STON2: variants seen among roughly 807,000 people sequenced by gnomAD.
STON2 encodes the protein stonin-2.
A neutral mutation model predicts 65.7 loss-of-function variants in STON2; 29 were observed. The ratio of observed to expected loss-of-function variants is 0.44; its 90% CI spans 0.33 to 0.60. STON2 has a LOEUF of 0.60. Among genes scored for constraint, STON2 ranks in the 20% least tolerant of loss-of-function variants. The pLI is 0.03. For synonymous variants in STON2, 404 were observed against 414.2 expected (o/e 0.98, Z 0.30); for missense variants, 1,054 against 1,118.1 (o/e 0.94, Z 0.82).
At chr14:81,335,053 A>G (rs2140277548) in intron 4 of STON2, among the ~76,000 whole-genome samples, 1 of 150,228 alleles carries the variant, frequency 6.7e-6, no homozygotes, top group African/African-American at 2.5e-5. Context: ...GTGTGTATAG[A>G]CAGGGTTTTG....
chr14:81,314,902 G>A (rs1448674044), intron 5 of STON2, among the ~76,000 whole-genome samples: 3 of 152,116 alleles, frequency 2.0e-5, no homozygotes, highest in Non-Finnish European at 4.4e-5. Context: ...CCAAGGTGGA[G>A]TGAAGTGGCA....
chr14:81,362,860 A>G (rs1344085303), intron 4 of STON2, among the ~76,000 whole-genome samples: 2 of 152,208 alleles, frequency 1.3e-5, no homozygotes, highest in African/African-American at 4.8e-5. Flanking sequence ...CATGCTGGGG[A>G]TATACAATAG....
At chr14:81,429,825 C>T (rs892356733) in intron 1 of STON2, among the ~76,000 whole-genome samples, 1 of 152,034 alleles carries the variant, frequency 6.6e-6, no homozygotes, top group African/African-American at 2.4e-5. Context: ...ATCCCCGCTA[C>T]TCGGCAGGCT....
intron 2 of STON2, among the ~76,000 whole-genome samples, chr14:81,424,499 TAAA>T (rs11357855): frequency 1.8e-4 from 26 of 148,550 alleles, no homozygotes; most frequent in Admixed American, 4.7e-4. Flanking sequence ...ACACTCTCAC[TAAA>T]AAAAAAAAAA....
intron 4 of STON2, among the ~76,000 whole-genome samples, chr14:81,365,786 A>G (rs745889929): frequency 6.6e-5 from 10 of 152,036 alleles, no homozygotes; most frequent in Non-Finnish European, 1.5e-4. Flanking sequence ...TAAAAAAAAG[A>G]ACCCAAACCA....
chr14:81,404,086 T>C (rs1390122909), upstream of STON2, among the ~76,000 whole-genome samples: 1 of 152,200 alleles, frequency 6.6e-6, no homozygotes, highest in Non-Finnish European at 1.5e-5. Context: ...ATACAGTAGG[T>C]AGCCTCTTCA....
chr14:81,380,502 G>T (rs572308919), intron 3 of STON2, among the ~76,000 whole-genome samples: 72 of 152,058 alleles, frequency 4.7e-4, no homozygotes, highest in Non-Finnish European at 8.8e-4. Flanking sequence ...TATACCCAAA[G>T]GAATAACAAC....
intron 3 of STON2, among the ~76,000 whole-genome samples, chr14:81,375,213 G>GA (rs1899194545): frequency 6.6e-6 from 1 of 152,042 alleles, no homozygotes; most frequent in African/African-American, 2.4e-5. Context: ...TAAAAGGAAT[G>GA]TAAGAGGTTA....
chr14:81,307,015 G>A (rs1223113595), intron 5 of STON2, among the ~76,000 whole-genome samples: 3 of 152,198 alleles, frequency 2.0e-5, no homozygotes, highest in Admixed American at 1.3e-4. Flanking sequence ...AGTTGATCAT[G>A]AATAGCAAGC....
intron 4 of STON2, among the ~76,000 whole-genome samples, chr14:81,327,096 TGCAG>T (rs1897029879): frequency 6.6e-6 from 1 of 152,178 alleles, no homozygotes; most frequent in East Asian, 1.9e-4. Context: ...AGGCAGAGGC[TGCAG>T]TCAGCCAAGA....
intron 3 of STON2, among the ~76,000 whole-genome samples, chr14:81,376,512 G>T (rs1231486139): frequency 6.6e-6 from 1 of 151,996 alleles, no homozygotes; most frequent in Admixed American, 6.6e-5. Context: ...GTCAGGCCAG[G>T]TGCTTTTACT....
chr14:81,315,919 G>A (rs1267885987), intron 5 of STON2, among the ~76,000 whole-genome samples: 1 of 152,136 alleles, frequency 6.6e-6, no homozygotes, highest in Admixed American at 6.5e-5. Flanking sequence ...TCACCAGAAA[G>A]GTAACAACCT....
At chr14:81,423,875 G>A (rs1488104591) in intron 2 of STON2, among the ~76,000 whole-genome samples, 1 of 152,210 alleles carries the variant, frequency 6.6e-6, no homozygotes, top group Non-Finnish European at 1.5e-5. Flanking sequence ...CAAGGAACCA[G>A]GACACACTGG....
intron 3 of STON2, 97 bp from the exon 4 acceptor site, chr14:81,371,282 G>C: frequency 1.7e-6 from 2 of 1,167,596 alleles, no homozygotes; most frequent in Admixed American, 4.2e-5. Context: ...CACATCATAT[G>C]AAATCTCAAC....
At chr14:81,342,509 C>T (rs1315680541) in intron 4 of STON2, among the ~76,000 whole-genome samples, 1 of 152,198 alleles carries the variant, frequency 6.6e-6, no homozygotes, top group African/African-American at 2.4e-5. Context: ...AAGGTAGCCC[C>T]TGGCCTGAGG....
intron 7 of STON2, chr14:81,268,717 C>T: frequency 1.2e-6 from 1 of 864,800 alleles, no homozygotes; most frequent in Non-Finnish European, 1.4e-6. Context: ...TCATGGTCCA[C>T]CAGGAAAATT....
chr14:81,369,648 C>A (rs1320055502), intron 4 of STON2, among the ~76,000 whole-genome samples: 1 of 152,148 alleles, frequency 6.6e-6, no homozygotes, highest in Non-Finnish European at 1.5e-5. Flanking sequence ...GAGGTATACC[C>A]ATTTTTCAGA....
chr14:81,284,493 T>C (rs1895255293), intron 5 of STON2, among the ~76,000 whole-genome samples: 2 of 152,088 alleles, frequency 1.3e-5, no homozygotes, highest in African/African-American at 4.8e-5. Context: ...GGTGAGGAAA[T>C]TGCAGAAAAA....
At chr14:81,331,156 A>T (rs758331585) in intron 4 of STON2, among the ~76,000 whole-genome samples, 12 of 152,212 alleles carry the variant, frequency 7.9e-5, no homozygotes, top group Non-Finnish European at 1.8e-4. Flanking sequence ...AAAGCAATTC[A>T]AGCTTTTCTC....
Sources: allele counts gnomAD v4.1 joint callset (sites outside exome capture counted in the v4.1 genomes callset), GRCh38; gene constraint gnomAD v4.1.1; transcripts MANE v1.5; gene names NCBI Gene and HGNC (gene_info 2026-07-23, HGNC 2026-07-21).